PSME4: variants seen among roughly 807,000 people sequenced by gnomAD.
PSME4 encodes the protein proteasome activator subunit 4.
Under a neutral mutation model 253.9 loss-of-function variants are expected in PSME4, and 89 were observed. That is an observed-to-expected ratio of 0.35 (90% confidence interval 0.30 to 0.42). The LOEUF is 0.42. PSME4 is among the 10% of genes least tolerant of loss of function. PSME4 has a pLI of 1.00. For synonymous variants in PSME4, 851 were observed against 759.2 expected (o/e 1.12, Z -1.99); for missense variants, 2,014 against 2,195.2 (o/e 0.92, Z 1.65).
intron 41 of PSME4, among the ~76,000 whole-genome samples, chr2:53,883,746 CTT>C (rs11304747): frequency 3.5e-5 from 5 of 144,606 alleles, no homozygotes; most frequent in African/African-American, 1.3e-4. Flanking sequence ...TCTTATACTT[CTT>C]TTTTTTTTTT....
Position 53,921,010 on chromosome 2 carries a change from T to C in PSME4, c.2141A>G (p.Tyr714Cys), listed in dbSNP as rs1001361593. The change falls in exon 18 of 47, where the codon TAC (tyrosine) becomes TGC (cysteine). Residue 714 changes from tyrosine (Y) to cysteine (C), a missense_variant. Tyr to Cys is a radical substitution (Grantham distance 194). Around this residue, in one of 4 missense-constraint regions of PSME4, gnomAD observed 989 missense variants for 1,021.1 expected, o/e 0.97. Coordinates refer to ENST00000404125, the MANE Select transcript of PSME4 (RefSeq NM_014614.3). ...ATGCAAAAGGTTACAAGACAGAGTG[T>C]AACCCTGCTTACAGGTTAAATGTAG... ...RTLHLTCKQGYTLSCNLLHHL... is the reference protein window; with the variant it reads ...RTLHLTCKQGCTLSCNLLHHL... 6.2e-7 allele frequency: 1 copy of C among 1,614,116 alleles called. No individual in the cohort carries two copies. Among genetic ancestry groups the C allele is most frequent in the Non-Finnish European group, 8.5e-7 (1 of 1,179,978 alleles).
rs1418962370 is a variant in PSME4, at chr2:53,901,510, T to C, written c.3125A>G (p.Asn1042Ser). Reference sequence around the variant, plus strand: ...TACAATACAGTCCCAATCATGAAGGTTTGCCAAGCACACACCACTGTGATT... The same window carrying C: ...TACAATACAGTCCCAATCATGAAGGCTTGCCAAGCACACACCACTGTGATT... ...LGNHSGVCLANLHDWDCIVQT... is the reference protein window; with the variant it reads ...LGNHSGVCLASLHDWDCIVQT... Residue 1042 changes from asparagine (N) to serine (S), a missense_variant, in exon 28 of 47, where the codon AAC becomes AGC. This residue lies in a region of PSME4 where 989 missense variants were observed against 1,021.1 expected (regional missense o/e 0.97). Transcript: ENST00000404125. 4 of 1,613,776 alleles carry C rather than the reference T, an allele frequency of 2.5e-6. No individual in the cohort carries two copies. Among genetic ancestry groups the C allele is most frequent in the Non-Finnish European group, 3.4e-6 (4 of 1,179,872 alleles).
chr2:53,897,166 G>GGT (rs999912972), intron 31 of PSME4, among the ~76,000 whole-genome samples: 1 of 122,962 alleles, frequency 8.1e-6, no homozygotes, highest in African/African-American at 3.1e-5. Flanking sequence ...TTAGCCTCAG[G>GGT]GTTTTTTTTT....
At chr2:53,882,178 T>C (rs538461410) in intron 41 of PSME4, among the ~76,000 whole-genome samples, 1 of 152,262 alleles carries the variant, frequency 6.6e-6, no homozygotes, top group Admixed American at 6.5e-5. Flanking sequence ...ATCCAGCATT[T>C]TCACTTCTGG....
At chr2:53,907,199 A>G (rs1016115402) in intron 24 of PSME4, among the ~76,000 whole-genome samples, 1 of 152,180 alleles carries the variant, frequency 6.6e-6, no homozygotes, top group Admixed American at 6.5e-5. Context: ...CTACTAAGAC[A>G]ATTGCTCAAC....
At chr2:53,882,900 C>CA (rs71850883) in intron 41 of PSME4, among the ~76,000 whole-genome samples, 5,278 of 121,940 alleles carry the variant, frequency 0.043, 181 homozygotes, top group African/African-American at 0.11. Context: ...TGAGGAAATA[C>CA]AAAAAAAAAT....
Position 53,927,468 on chromosome 2 carries a change from T to C in PSME4, c.1519A>G (p.Ile507Val). 6.3e-7 allele frequency: 1 copy of C among 1,586,926 alleles called. No individual in the cohort carries two copies. The highest frequency in any genetic ancestry group is 8.7e-7 in the Non-Finnish European group (1 of 1,155,258). Residue 507 changes from isoleucine (I) to valine (V), a missense_variant, in exon 12 of 47, where the codon ATA becomes GTA. Transcript: ENST00000404125. ...GGCACCAGAGTAGAAAATGTTGCTA[T>C]GAACTGGAATGTGATCTGTGGAAAC... ...FSKCMITFQF[I>V]ATFSTLVPLV... is the part of the protein sequence containing the mutation.
rs144997314 is a variant in PSME4, at chr2:53,886,531, T to C, written c.4729+728A>G. ...CTCTTCATACCCACTAAGATGGCTA[T>C]ACTTTAAAAAAGCAAGCAAACAAAC... is the stretch of plus-strand genomic sequence containing the variant. On this transcript the variant is annotated intron_variant, in intron 40 of 46. Transcript: ENST00000404125. Among the ~76,000 whole-genome samples the C allele has an allele frequency of 1.2e-3, 185 of 152,356 alleles. No individual in the cohort carries two copies. The Middle Eastern group carries it at 0.024, about 20-fold the overall frequency.
At chr2:53,959,512 C>A (rs1670385824) in intron 1 of PSME4, among the ~76,000 whole-genome samples, 2 of 152,240 alleles carry the variant, frequency 1.3e-5, no homozygotes, top group African/African-American at 4.8e-5. Context: ...CAACTCCTGC[C>A]CACCCAAAAT....
chr2:53,910,678 C>T (rs1667789237), intron 20 of PSME4, among the ~76,000 whole-genome samples: 1 of 152,176 alleles, frequency 6.6e-6, no homozygotes, highest in Admixed American at 6.5e-5. Flanking sequence ...AGCCTATAAG[C>T]GGTAGCCCTG....
At position 53,970,734 on chromosome 2, in the gene PSME4, C is replaced by T; in HGVS notation, c.51G>A (p.Gly17=). The change falls in exon 1 of 47, where the codon GGG becomes GGA. Residue 17 remains glycine, a synonymous_variant. Coordinates refer to ENST00000404125, the MANE Select transcript of PSME4 (RefSeq NM_014614.3). The stretch of plus-strand genomic sequence containing the variant: ...AGCCCCGCGGGCCCGGCTCGGGACG[C>T]CCGCCCGGCTCCGGGGGCTCTCCGA... ...AGVGEPPEPG[G]RPEPGPRGFV... 2 of 1,547,362 alleles carry T rather than the reference C, an allele frequency of 1.3e-6. No homozygotes were observed. Among genetic ancestry groups the T allele is most frequent in the Non-Finnish European group, 1.7e-6 (2 of 1,145,904 alleles).
intron 41 of PSME4, among the ~76,000 whole-genome samples, chr2:53,878,658 C>G (rs1006802553): frequency 3.3e-5 from 5 of 152,308 alleles, no homozygotes; most frequent in Non-Finnish European, 5.9e-5. Context: ...CTTTTACAGT[C>G]ATAGCTAAGG....
At chr2:53,960,021 T>C (rs1670409821) in intron 1 of PSME4, among the ~76,000 whole-genome samples, 1 of 152,340 alleles carries the variant, frequency 6.6e-6, no homozygotes, top group South Asian at 2.1e-4. Context: ...TCATTGACTT[T>C]GAAAGTTTAG....
At chr2:53,901,209 AG>A in intron 28 of PSME4, 140 bp downstream of exon 28, 1 of 749,882 alleles carries the variant, frequency 1.3e-6, no homozygotes, top group Non-Finnish European at 2.1e-6. Context: ...AAAAGCAAAC[AG>A]GTAACAAACG....
chr2:53,965,058 T>C (rs1325160960), intron 1 of PSME4, among the ~76,000 whole-genome samples: 1 of 151,876 alleles, frequency 6.6e-6, no homozygotes, highest in African/African-American at 2.4e-5. Context: ...CAAACCCACA[T>C]ACTTCACTAA....
intron 31 of PSME4, 46 bp downstream of exon 31, chr2:53,897,824 G>A (rs376386400): frequency 1.9e-4 from 298 of 1,580,984 alleles, no homozygotes; most frequent in Non-Finnish European, 2.5e-4. Flanking sequence ...TTCAGGTCAC[G>A]TACATATTCT....
At position 53,866,751 on chromosome 2, in the gene PSME4, A is replaced by C. The variant is rs1678583693; in HGVS notation, c.5393T>G (p.Ile1798Ser). 6.2e-7 allele frequency: 1 copy of C among 1,612,820 alleles called. No homozygotes were observed. ...LSAHLNDPQP[I>S]EMTVKKTLSN... ...ACTAATAAGGAAGAACTGTACCTCA[A>C]TAGGCTGAGGATCATTTAGATGTGC... is the stretch of plus-strand genomic sequence containing the variant. The change falls in exon 45 of 47, where the codon ATT becomes AGT. Residue 1798 changes from isoleucine (I) to serine (S), a missense_variant. By Grantham distance (142) the Ile-to-Ser change is moderately radical. This residue lies in a region of PSME4 where 403 missense variants were observed against 556.1 expected (regional missense o/e 0.72). Coordinates refer to ENST00000404125, the MANE Select transcript of PSME4 (RefSeq NM_014614.3).
intron 12 of PSME4, among the ~76,000 whole-genome samples, chr2:53,926,686 T>C (rs974972300): frequency 4.0e-5 from 6 of 148,324 alleles, no homozygotes; most frequent in Non-Finnish European, 7.4e-5. Context: ...AGAAAATAGT[T>C]CTGGGGGCTG....
chr2:53,866,285 ATACTTTTAGTTAAAT>A, intron 45 of PSME4, 62 bp from the exon 46 acceptor site: 1 of 1,552,214 alleles, frequency 6.4e-7, no homozygotes, highest in Non-Finnish European at 8.8e-7. Flanking sequence ...CATATGTAGG[ATACTTTTAGTTAAAT>A]TACCGTCCCT....
Sources: allele counts gnomAD v4.1 joint callset (sites outside exome capture counted in the v4.1 genomes callset), GRCh38; gene constraint gnomAD v4.1.1; regional missense constraint gnomAD v4.1.1; transcripts MANE v1.5; gene names NCBI Gene and HGNC (gene_info 2026-07-23, HGNC 2026-07-21).